Variants in CAMK4 observed in about 807,000 individuals in gnomAD.
The protein encoded by CAMK4 is calcium/calmodulin dependent protein kinase IV, also known as calcium/calmodulin-dependent protein kinase type IV.
In CAMK4, 22 loss-of-function variants were observed where a neutral mutation model predicts 44.9. The observed-to-expected ratio is 0.49, with a 90% CI of 0.35 to 0.70. CAMK4 has a LOEUF of 0.70. CAMK4 is among the 30% of genes least tolerant of loss of function. The probability of loss-of-function intolerance (pLI) is 0.01; values close to 1 mark genes in which losing one functional copy is unlikely to be tolerated. For missense variants in CAMK4, 498 were observed against 586.8 expected (o/e 0.85, Z 1.56); for synonymous variants, 218 against 215.4 (o/e 1.01, Z -0.11).
chr5:111,483,980 G>T (rs1030016976), intron 10 of CAMK4, 46 bp from the exon 11 acceptor site: 8 of 1,410,576 alleles, frequency 5.7e-6, no homozygotes, highest in Non-Finnish European at 6.7e-6. Context: ...CTGATGTGGG[G>T]TGTTAAAGCA....
At chr5:111,287,784 TCCTAA>T (rs1351217345) in intron 1 of CAMK4, among the ~76,000 whole-genome samples, 1 of 152,132 alleles carries the variant, frequency 6.6e-6, no homozygotes, top group African/African-American at 2.4e-5. Flanking sequence ...AAAAATTACA[TCCTAA>T]CCTTTTTATT....
chr5:111,282,375 G>T lies in CAMK4; in HGVS notation c.161+57731G>T, dbSNP rs913154210. ...TTAACTACTGGTAATTAACTACTGG[G>T]TAATATTTGTATATATTGCTCTTGG... On this transcript the variant is annotated intron_variant, in intron 1 of 10. Transcript: ENST00000282356. 2.6e-5 allele frequency among the ~76,000 whole-genome samples: 4 copies of T among 152,120 alleles called. No homozygotes were observed. In the East Asian group the frequency reaches 7.7e-4, roughly 29 times the overall value.
At chr5:111,425,050 C>A (rs146895848) in intron 5 of CAMK4, among the ~76,000 whole-genome samples, 519 of 151,506 alleles carry the variant, frequency 3.4e-3, no homozygotes, top group African/African-American at 0.012. Flanking sequence ...TGTAGCCCAG[C>A]TACTTGGGAG....
At chr5:111,381,154 CT>C (rs1338242476) in intron 4 of CAMK4, among the ~76,000 whole-genome samples, 1 of 152,144 alleles carries the variant, frequency 6.6e-6, no homozygotes, top group East Asian at 1.9e-4. Flanking sequence ...CTGGGTTTTT[CT>C]TCTCTTCTGG....
At chr5:111,335,560 T>A (rs954430538) in intron 1 of CAMK4, among the ~76,000 whole-genome samples, 2 of 151,322 alleles carry the variant, frequency 1.3e-5, no homozygotes, top group African/African-American at 2.4e-5. Context: ...GAAAAGTTAT[T>A]CCATATGAAT....
rs1755618887 is a variant in CAMK4 at position 111,486,368 on chromosome 5, T to G, written c.*1902T>G. On this transcript the variant is annotated 3_prime_UTR_variant, in exon 11 of 11. Transcript: ENST00000282356. ...CTTCCTTCCTCATTTAATTATTCCC[T>G]CTCAGAATTCCCATGTTGTCCATTA... The G allele has an allele frequency of 1.3e-5, 2 of 152,082 alleles. No individual in the cohort carries two copies. The highest frequency in any genetic ancestry group is 4.1e-4 in the South Asian group (2 of 4,822). 9.4% of individuals were successfully genotyped at this position (152,082 alleles called of 1,614,324 possible).
intron 1 of CAMK4, among the ~76,000 whole-genome samples, chr5:111,298,297 TA>T (rs1196983176): frequency 6.6e-6 from 1 of 152,142 alleles, no homozygotes; most frequent in Non-Finnish European, 1.5e-5. Context: ...ATAAAAACAA[TA>T]TGCTTTTCAT....
chr5:111,287,845 C>G (rs1234501639), intron 1 of CAMK4, among the ~76,000 whole-genome samples: 1 of 152,120 alleles, frequency 6.6e-6, no homozygotes, highest in African/African-American at 2.4e-5. Flanking sequence ...TATAGATATG[C>G]TCCCTAATGA....
intron 7 of CAMK4, among the ~76,000 whole-genome samples, chr5:111,459,806 C>T (rs141936793): frequency 0.014 from 2,061 of 151,432 alleles, 49 homozygotes; most frequent in African/African-American, 0.047. Flanking sequence ...GGGTTCACGC[C>T]ATTCTCCTGC....
chr5:111,317,424 G>C (rs77529751), intron 1 of CAMK4, among the ~76,000 whole-genome samples: 5,461 of 152,126 alleles, frequency 0.036, 334 homozygotes, highest in African/African-American at 0.12. Context: ...AAGAATTTGA[G>C]TTTTCTTAGG....
intron 1 of CAMK4, among the ~76,000 whole-genome samples, chr5:111,275,794 C>T (rs2112592265): frequency 6.6e-6 from 1 of 152,082 alleles, no homozygotes; most frequent in African/African-American, 2.4e-5. Context: ...TTTTTTCCAA[C>T]ACATAAAAGA....
intron 1 of CAMK4, chr5:111,277,667 G>A (rs2112596337): frequency 6.6e-6 from 1 of 152,148 alleles, no homozygotes; most frequent in African/African-American, 2.4e-5. Context: ...TAAAAGGCTG[G>A]CCATGAAACT....
Position 111,485,260 on chromosome 5 carries a change from G to A in CAMK4, c.*794G>A, listed in dbSNP as rs1755574321. 1 of 152,040 alleles carries A rather than the reference G, an allele frequency of 6.6e-6. No homozygotes were observed. Among genetic ancestry groups the A allele is most frequent in the African/African-American group, 2.4e-5 (1 of 41,392 alleles). 9.4% of individuals were successfully genotyped at this position (152,040 alleles called of 1,614,324 possible). A position where few individuals can be genotyped will look rare whatever the true frequency, so the allele number is the denominator to read the frequency against. On this transcript the variant is annotated 3_prime_UTR_variant, in exon 11 of 11. Transcript: ENST00000282356. ...GTGTAATAAACAGGGAAGAAAAGAA[G>A]GTAAGACTGTACTTAAACTGATGAA...
At chr5:111,294,297 T>C (rs187185961) in intron 1 of CAMK4, among the ~76,000 whole-genome samples, 38 of 152,332 alleles carry the variant, frequency 2.5e-4, no homozygotes, top group Admixed American at 1.1e-3. Context: ...ATGCTAAAAA[T>C]GCTATTTAGG....
intron 5 of CAMK4, among the ~76,000 whole-genome samples, chr5:111,413,919 A>C (rs950325647): frequency 4.6e-5 from 7 of 151,954 alleles, no homozygotes; most frequent in Non-Finnish European, 1.0e-4. Context: ...AAAAAGTGTC[A>C]TAAACTGATA....
intron 2 of CAMK4, among the ~76,000 whole-genome samples, chr5:111,365,426 C>A (rs1378636211): frequency 6.6e-6 from 1 of 151,946 alleles, no homozygotes; most frequent in Non-Finnish European, 1.5e-5. Flanking sequence ...GTTGAATGAA[C>A]CATCCATGTG....
chr5:111,243,374 TCAGA>T (rs775488779), intron 1 of CAMK4, among the ~76,000 whole-genome samples: 5 of 152,170 alleles, frequency 3.3e-5, no homozygotes, highest in Non-Finnish European at 7.3e-5. Flanking sequence ...CTGAGTGTAA[TCAGA>T]CATTGAGAGT....
intron 5 of CAMK4, among the ~76,000 whole-genome samples, chr5:111,435,521 C>T (rs1329474058): frequency 2.6e-5 from 4 of 152,156 alleles, no homozygotes; most frequent in Non-Finnish European, 5.9e-5. Context: ...CAGTCCTGCC[C>T]AATCAGCTTC....
intron 1 of CAMK4, among the ~76,000 whole-genome samples, chr5:111,318,627 C>T (rs1483582199): frequency 6.6e-6 from 1 of 152,138 alleles, no homozygotes; most frequent in African/African-American, 2.4e-5. Context: ...AAAGCAGTGC[C>T]ACTTCTAATT....
Sources: gnomAD v4.1 joint callset for allele counts (sites outside exome capture counted in the v4.1 genomes callset) on GRCh38, gnomAD v4.1.1 for gene constraint, MANE v1.5 for transcripts, NCBI Gene and HGNC (gene_info 2026-07-23, HGNC 2026-07-21) for gene names.